Variants in PTPN21 observed in about 807,000 individuals in gnomAD.
PTPN21 encodes the protein tyrosine-protein phosphatase non-receptor type 21.
Under a neutral mutation model 131.8 loss-of-function variants are expected in PTPN21, and 77 were observed. The ratio of observed to expected loss-of-function variants is 0.58; its 90% CI spans 0.49 to 0.71. The LOEUF (loss-of-function observed/expected upper bound fraction) is 0.71. PTPN21 is among the 30% of genes least tolerant of loss of function. The pLI is 0.00. For synonymous variants in PTPN21, 715 were observed against 621.3 expected, an observed-to-expected ratio of 1.15 and a Z score of -2.24; for missense variants, 1,552 against 1,527.1, an observed-to-expected ratio of 1.02 and a Z score of -0.27.
intron 18 of PTPN21, 40 bp from the exon 19 acceptor site, chr14:88,468,305 CT>C: frequency 6.5e-7 from 1 of 1,544,256 alleles, no homozygotes; most frequent in Non-Finnish European, 8.8e-7. Context: ...ATGTGTTCCC[CT>C]GGGGAGACAG....
chr14:88,526,305 T>A (rs1265107973), intron 2 of PTPN21, among the ~76,000 whole-genome samples: 5 of 152,068 alleles, frequency 3.3e-5, no homozygotes, highest in African/African-American at 7.2e-5. Context: ...ATCCCAGCAC[T>A]TTGGGAGGCT....
At chr14:88,538,903 A>C (rs1197387334) in intron 2 of PTPN21, among the ~76,000 whole-genome samples, 1 of 152,238 alleles carries the variant, frequency 6.6e-6, no homozygotes, top group African/African-American at 2.4e-5. Context: ...AAAACATTTA[A>C]AGCACTTACA....
intron 5 of PTPN21, 152 bp downstream of exon 5, chr14:88,505,152 C>CA: frequency 1.7e-6 from 1 of 602,320 alleles, no homozygotes; most frequent in Non-Finnish European, 2.9e-6. Context: ...ACAGGGAAAG[C>CA]AGTCACACTT....
At position 88,479,362 on chromosome 14, in the gene PTPN21, G is replaced by C; in HGVS notation, c.2069C>G (p.Ala690Gly). The C allele has an allele frequency of 1.2e-6, 2 of 1,612,322 alleles. No individual in the cohort carries two copies. The highest frequency in any genetic ancestry group is 1.7e-6 in the Non-Finnish European group (2 of 1,179,626). ...CTTATGGCCGTACCTCAAGCCCTCC[G>C]CCTCCTCCGGCCCTTCTCGCTGTGT... ...ERTQREGPEE[A>G]EGLRYGHKKS... Residue 690 changes from alanine to glycine, a missense_variant, in exon 13 of 19, where the codon GCG becomes GGG. Coordinates refer to ENST00000556564, the MANE Select transcript of PTPN21 (RefSeq NM_007039.4).
Position 88,479,402 on chromosome 14 carries a change from C to G in PTPN21, c.2029G>C (p.Val677Leu), listed in dbSNP as rs2077601511. Residue 677 changes from valine to leucine, a missense_variant, in exon 13 of 19, where the codon GTT becomes CTT. Physicochemically the swap from Val to Leu is conservative, Grantham distance 32. Transcript: ENST00000556564. ...TCTCGCTGTGTCCTCTCGGTGAAAA[C>G]GCTGGGCTGGGAGCCCACCGAGACG... ...RAVSVGSQPS[V>L]FTERTQREGP... is the part of the protein sequence containing the mutation. The G allele has an allele frequency of 3.1e-6, 5 of 1,603,994 alleles. No individual in the cohort carries two copies. Among genetic ancestry groups the G allele is most frequent in the Non-Finnish European group, 4.2e-6 (5 of 1,178,946 alleles).
chr14:88,480,844 A>G (rs1566815556), intron 12 of PTPN21, among the ~76,000 whole-genome samples: 6 of 152,216 alleles, frequency 3.9e-5, no homozygotes. Context: ...ATGGTATAGC[A>G]GGATCTGAAC....
At chr14:88,473,217 T>G (rs1372497608) in intron 14 of PTPN21, among the ~76,000 whole-genome samples, 1 of 152,216 alleles carries the variant, frequency 6.6e-6, no homozygotes, top group Non-Finnish European at 1.5e-5. Flanking sequence ...AATGTATGCC[T>G]ATCTGATTTT....
At chr14:88,490,460 C>T (rs1366303214) in intron 10 of PTPN21, among the ~76,000 whole-genome samples, 1 of 152,278 alleles carries the variant, frequency 6.6e-6, no homozygotes, top group East Asian at 1.9e-4. Context: ...CTCCTCTCCC[C>T]TCCCACCTCT....
intron 2 of PTPN21, among the ~76,000 whole-genome samples, chr14:88,535,381 C>A (rs1205916123): frequency 6.6e-6 from 1 of 152,188 alleles, no homozygotes; most frequent in Admixed American, 6.5e-5. Context: ...ATTCCAATAG[C>A]TGCCACTAGC....
chr14:88,487,947 C>T (rs1244134383), intron 10 of PTPN21, among the ~76,000 whole-genome samples: 2 of 124,526 alleles, frequency 1.6e-5, no homozygotes, highest in Non-Finnish European at 3.2e-5. Flanking sequence ...GCCTGGGCGA[C>T]AGAGTGAGAC....
Position 88,472,424 on chromosome 14 carries a change from G to A in PTPN21, c.2691C>T (p.Phe897=). 6.2e-7 allele frequency: 1 copy of A among 1,613,770 alleles called. No individual in the cohort carries two copies. Among genetic ancestry groups the A allele is most frequent in the Non-Finnish European group, 8.5e-7 (1 of 1,179,712 alleles). Residue 897 remains phenylalanine (F), a synonymous_variant, in exon 15 of 19, where the codon TTC becomes TTT. Coordinates refer to ENST00000556564, the MANE Select transcript of PTPN21 (RefSeq NM_007039.4). The part of the protein sequence containing the change: ...LEQRLEQGMV[F]TEYERILKKR... ...TCTTAAGAATTCTTTCATATTCTGT[G>A]AATACCATTCCTTGTTCTAATCGTT...
At chr14:88,528,025 G>GTTTTATGTTTATGTTTTTA (rs2078505020) in intron 2 of PTPN21, among the ~76,000 whole-genome samples, 1 of 152,104 alleles carries the variant, frequency 6.6e-6, no homozygotes, top group African/African-American at 2.4e-5. Context: ...TTTTATACCA[G>GTTTTATGTTTATGTTTTTA]TACCATGCTG....
chr14:88,473,768 A>T lies in PTPN21; in HGVS notation c.2546T>A (p.Ile849Asn), dbSNP rs754451853. ...MKKTRVDAKKIGPLKLAALNG... is the reference protein window; with the variant it reads ...MKKTRVDAKKNGPLKLAALNG... ...TAGGGCAGCCAGTTTAAGAGGACCA[A>T]TTTTTTTTGCATCTACTCGAGTCTT... Residue 849 changes from isoleucine to asparagine, a missense_variant, in exon 14 of 19, where the codon ATT becomes AAT. Ile to Asn is a moderately radical substitution (Grantham distance 149). Transcript: ENST00000556564. 1 of 1,607,278 alleles carries T rather than the reference A, an allele frequency of 6.2e-7. No homozygotes were observed. The highest frequency in any genetic ancestry group is 8.5e-7 in the Non-Finnish European group (1 of 1,177,714).
In PTPN21 at chr14:88,467,977, C is replaced by T; in HGVS notation, c.*160G>A. The T allele has an allele frequency of 1.0e-6, 1 of 952,540 alleles. No individual in the cohort carries two copies. Among genetic ancestry groups the T allele is most frequent in the Non-Finnish European group, 1.6e-6 (1 of 613,788 alleles). The allele number at this position is 952,540 out of a possible 1,614,324, so 59.0% of individuals were successfully genotyped here. On this transcript the variant is annotated 3_prime_UTR_variant, in exon 19 of 19. Transcript: ENST00000556564. ...AAACCCCTCTTCAGCCTGTGCTTCGCACGTTTCCTTCAGCGTGCCGCCATT... is the reference window on the plus strand; with the variant it reads ...AAACCCCTCTTCAGCCTGTGCTTCGTACGTTTCCTTCAGCGTGCCGCCATT...
chr14:88,467,175 A>C lies in PTPN21; in HGVS notation c.*962T>G, dbSNP rs957037744. 1 of 151,324 alleles carries C rather than the reference A, an allele frequency of 6.6e-6. No individual in the cohort carries two copies. The highest frequency in any genetic ancestry group is 6.6e-5 in the Admixed American group (1 of 15,232). 9.4% of individuals were successfully genotyped at this position (151,324 alleles called of 1,614,324 possible). On this transcript the variant is annotated 3_prime_UTR_variant, in exon 19 of 19. Coordinates refer to ENST00000556564, the MANE Select transcript of PTPN21 (RefSeq NM_007039.4). ...CCTACTCTTGTCCTAGTCATCTTAC[A>C]TACTCTTAGTCCTTAATCTCTCCCA...
chr14:88,551,311 CCTA>C (rs1311503630), intron 1 of PTPN21: 2 of 152,314 alleles, frequency 1.3e-5, no homozygotes, highest in South Asian at 2.1e-4. Flanking sequence ...CAGGCCTTCA[CCTA>C]AGCGGAGCCG....
intron 12 of PTPN21, among the ~76,000 whole-genome samples, chr14:88,483,483 TCTA>T (rs1160560642): frequency 6.6e-6 from 1 of 152,064 alleles, no homozygotes; most frequent in African/African-American, 2.4e-5. Flanking sequence ...AGCCCTGCTC[TCTA>T]CTACCCACCT....
chr14:88,484,961 GCAATTTGGGGTGCAACTTCAGC>G (rs1375595911), intron 12 of PTPN21, 93 bp downstream of exon 12: 3 of 761,152 alleles, frequency 3.9e-6, no homozygotes, highest in Non-Finnish European at 7.0e-6. Flanking sequence ...TTATCATGAT[GCAATTTGGGGTGCAACTTCAGC>G]CAAAAACTGT....
intron 3 of PTPN21, among the ~76,000 whole-genome samples, 170 bp from the exon 4 acceptor site, chr14:88,508,190 C>T (rs1356536171): frequency 6.6e-6 from 1 of 151,020 alleles, no homozygotes; most frequent in Non-Finnish European, 1.5e-5. Context: ...CCTTTGTTGC[C>T]CAGGCTCGAG....
Sources: gnomAD v4.1 joint callset for allele counts (sites outside exome capture counted in the v4.1 genomes callset) on GRCh38, gnomAD v4.1.1 for gene constraint, MANE v1.5 for transcripts, NCBI Gene and HGNC (gene_info 2026-07-23, HGNC 2026-07-21) for gene names.